The following GPHN variants were observed in gnomAD, a reference collection of about 807,000 sequenced individuals.
The protein encoded by GPHN is gephyrin.
In GPHN, 17 loss-of-function variants were observed where a neutral mutation model predicts 95.5. The ratio of observed to expected loss-of-function variants is 0.18; its 90% CI spans 0.12 to 0.27. The LOEUF (loss-of-function observed/expected upper bound fraction) is 0.27. GPHN is among the 10% of genes least tolerant of loss of function. The pLI is 1.00. For synonymous variants in GPHN, 320 were observed against 322.5 expected, an observed-to-expected ratio of 0.99 and a Z score of 0.08; for missense variants, 660 against 978.1, an observed-to-expected ratio of 0.67 and a Z score of 4.34.
chr14:67,659,779 G>C, the GPHN span: 1 of 1,613,902 alleles, frequency 6.2e-7, no homozygotes, highest in South Asian at 1.1e-5. Context: ...TGTCTCCTCG[G>C]CCTCCAGGTG....
intron 11 of GPHN, among the ~76,000 whole-genome samples, chr14:67,060,828 A>T (rs555329892): frequency 6.6e-6 from 1 of 152,256 alleles, no homozygotes; most frequent in South Asian, 2.1e-4. Flanking sequence ...TTCAGATACC[A>T]TTTATAAAGT....
chr14:66,629,737 A>G (rs1490399388), intron 1 of GPHN, among the ~76,000 whole-genome samples: 1 of 152,168 alleles, frequency 6.6e-6, no homozygotes, highest in Non-Finnish European at 1.5e-5. Flanking sequence ...TGGCTATGAC[A>G]TCACTATTTG....
chr14:66,675,136 T>C (rs1187652200), intron 1 of GPHN, among the ~76,000 whole-genome samples: 1 of 147,810 alleles, frequency 6.8e-6, no homozygotes. Context: ...CTATTCAGAT[T>C]CTTTTTCCAG....
At chr14:67,431,768 C>T in the GPHN span, among the ~76,000 whole-genome samples, 2 of 152,130 alleles carry the variant, frequency 1.3e-5, no homozygotes, top group Non-Finnish European at 2.9e-5. Flanking sequence ...GGTTGTGTCC[C>T]AGAAGCTCCC....
At chr14:66,536,754 C>A (rs1255901800) in intron 1 of GPHN, among the ~76,000 whole-genome samples, 1 of 152,126 alleles carries the variant, frequency 6.6e-6, no homozygotes, top group Admixed American at 6.5e-5. Context: ...TGTTAATGTT[C>A]TTTGTCAGTA....
At chr14:66,863,896 A>T (rs929070333) in intron 4 of GPHN, among the ~76,000 whole-genome samples, 5 of 152,202 alleles carry the variant, frequency 3.3e-5, no homozygotes, top group Admixed American at 6.5e-5. Context: ...ACTCTCCTGG[A>T]TATTGGTCTG....
chr14:67,081,364 A>AT lies in GPHN; in HGVS notation c.1145-7611dup, dbSNP rs558780435. 6.4e-3 allele frequency among the ~76,000 whole-genome samples: 975 copies of AT among 151,814 alleles called. 12 individuals are homozygous for AT. The highest frequency in any genetic ancestry group is 0.022 in the African/African-American group (922 of 41,436). On this transcript the variant is annotated intron_variant, in intron 11 of 22. Coordinates refer to ENST00000478722, the MANE Select transcript of GPHN (RefSeq NM_020806.5). ...ATTTGCATTTTCCTGATCATTGGCG[A>AT]TTTTTTTTATATATTTGTTGACCAT... is the stretch of plus-strand genomic sequence containing the variant.
At chr14:67,430,401 C>T in the GPHN span, among the ~76,000 whole-genome samples, 41 of 152,304 alleles carry the variant, frequency 2.7e-4, 1 homozygote, top group South Asian at 6.6e-3. Flanking sequence ...AAGCCTGTGC[C>T]GGACCCACGC....
chr14:66,768,216 T>G (rs1442554278), intron 2 of GPHN, among the ~76,000 whole-genome samples: 2 of 151,872 alleles, frequency 1.3e-5, no homozygotes, highest in Non-Finnish European at 2.9e-5. Context: ...GGCCATCTGT[T>G]TGGTATATAC....
chr14:66,514,690 T>C (rs2058170982), intron 1 of GPHN, among the ~76,000 whole-genome samples: 1 of 152,122 alleles, frequency 6.6e-6, no homozygotes, highest in African/African-American at 2.4e-5. Context: ...TTTAGATTTT[T>C]TATTTAGAAA....
the GPHN span, among the ~76,000 whole-genome samples, chr14:67,348,313 G>A: frequency 6.6e-6 from 1 of 151,862 alleles, no homozygotes; most frequent in Non-Finnish European, 1.5e-5. Context: ...CAGGCGATCC[G>A]CCCACCTTGG....
the GPHN span, among the ~76,000 whole-genome samples, chr14:67,689,206 G>A: frequency 6.6e-6 from 1 of 152,198 alleles, no homozygotes; most frequent in Non-Finnish European, 1.5e-5. Context: ...CATAAGGACT[G>A]AGCTAACCAC....
At chr14:66,603,025 C>T (rs2062332167) in intron 1 of GPHN, among the ~76,000 whole-genome samples, 1 of 151,756 alleles carries the variant, frequency 6.6e-6, no homozygotes, top group Non-Finnish European at 1.5e-5. Flanking sequence ...ACATATCAAG[C>T]TTACAAGACT....
the GPHN span, chr14:67,354,090 T>C: frequency 6.6e-6 from 1 of 152,152 alleles, no homozygotes; most frequent in African/African-American, 2.4e-5. Context: ...ACCAAATAAA[T>C]TTTTTTCTTT....
the GPHN span, among the ~76,000 whole-genome samples, chr14:67,246,634 C>G: frequency 1.3e-5 from 2 of 150,422 alleles, no homozygotes; most frequent in Admixed American, 6.7e-5. Context: ...AGCCACTGAG[C>G]CTGGCCTACT....
At chr14:66,675,858 C>A (rs1021634676) in intron 1 of GPHN, among the ~76,000 whole-genome samples, 1 of 151,720 alleles carries the variant, frequency 6.6e-6, no homozygotes, top group Admixed American at 6.6e-5. Flanking sequence ...ATATTTTATT[C>A]TTTTTAGCAG....
the GPHN span, among the ~76,000 whole-genome samples, chr14:67,388,804 C>T: frequency 3.3e-5 from 5 of 152,006 alleles, no homozygotes; most frequent in East Asian, 3.9e-4. Context: ...CTCAGTCTCC[C>T]GAGGAACTGG....
At chr14:66,541,774 G>A (rs1159360013) in intron 1 of GPHN, among the ~76,000 whole-genome samples, 2 of 152,188 alleles carry the variant, frequency 1.3e-5, no homozygotes, top group East Asian at 3.8e-4. Context: ...CATCCTTTTG[G>A]AGGTTAGTAT....
the GPHN span, chr14:67,674,555 G>A: frequency 4.2e-6 from 6 of 1,422,240 alleles, no homozygotes; most frequent in East Asian, 5.2e-5. Flanking sequence ...CTAGCCCGGC[G>A]GTCAGCCGCC....
Sources: gnomAD v4.1 joint callset for allele counts (sites outside exome capture counted in the v4.1 genomes callset) on GRCh38, gnomAD v4.1.1 for gene constraint, MANE v1.5 for transcripts, NCBI Gene and HGNC (gene_info 2026-07-23, HGNC 2026-07-21) for gene names.